The following DST variants were observed in gnomAD, a reference collection of about 807,000 sequenced individuals.
DST encodes dystonin, also known as bullous pemphigoid antigen.
A neutral mutation model predicts 875.2 loss-of-function variants in DST; 253 were observed. The ratio of observed to expected loss-of-function variants is 0.29; its 90% CI spans 0.26 to 0.32. The LOEUF (loss-of-function observed/expected upper bound fraction) is 0.32, where lower values mean the gene tolerates loss of function less well. Ranked by LOEUF, DST falls within the 10% of genes least tolerant of loss-of-function variation. The pLI is 1.00. For synonymous variants in DST, 3,124 were observed against 3,197.1 expected (o/e 0.98, Z 0.77); for missense variants, 8,287 against 9,111.6 (o/e 0.91, Z 3.68).
At chr6:56,546,389 T>TATATAA (rs1491334750) in intron 61 of DST, among the ~76,000 whole-genome samples, 19 of 104,252 alleles carry the variant, frequency 1.8e-4, no homozygotes, top group South Asian at 9.3e-4. Context: ...TATATATATA[T>TATATAA]AAATGTCAAA....
At chr6:56,721,812 C>T (rs2152912780) in intron 5 of DST, among the ~76,000 whole-genome samples, 1 of 152,202 alleles carries the variant, frequency 6.6e-6, no homozygotes, top group South Asian at 2.1e-4. Context: ...TACAGAAGAC[C>T]ATCCTGTCTT....
chr6:56,642,396 TA>T lies in DST; in HGVS notation c.1872+13del. The T allele has an allele frequency of 6.3e-7, 1 of 1,594,606 alleles. No homozygotes were observed. Among genetic ancestry groups the T allele is most frequent in the Non-Finnish European group, 8.6e-7 (1 of 1,162,278 alleles). On this transcript the variant is annotated intron_variant, in intron 16 of 103. Coordinates refer to ENST00000680361, the MANE Select transcript of DST (RefSeq NM_001374736.1). ...CCTCTACCACAACCCCAATGGCTCC[TA>T]AAATTAACTTACAGACTGAAGAGCA... is the stretch of plus-strand genomic sequence containing the variant.
intron 4 of DST, among the ~76,000 whole-genome samples, chr6:56,846,766 G>A (rs1461568743): frequency 6.6e-6 from 1 of 152,112 alleles, no homozygotes; most frequent in Non-Finnish European, 1.5e-5. Context: ...TACTTTGGGA[G>A]GCCAAGGTGG....
intron 4 of DST, among the ~76,000 whole-genome samples, chr6:56,781,808 A>T (rs892104562): frequency 1.3e-5 from 2 of 152,220 alleles, no homozygotes; most frequent in East Asian, 3.9e-4. Context: ...GCCAGTTTTC[A>T]AAGGGAATGC....
intron 7 of DST, 91 bp from the exon 8 acceptor site, chr6:56,702,056 C>A: frequency 1.3e-6 from 1 of 769,248 alleles, no homozygotes; most frequent in South Asian, 1.7e-5. Flanking sequence ...CTTAATATAT[C>A]AAAACAGTAT....
intron 36 of DST, chr6:56,619,207 T>C (rs1026862658): frequency 6.2e-7 from 1 of 1,613,926 alleles, no homozygotes; most frequent in African/African-American, 1.3e-5. Context: ...CTTCACATCT[T>C]TGCTGGATAG....
rs762689413 is a variant in DST, at chr6:56,476,155, T to C, written c.21858A>G (p.Glu7286=). The change falls in exon 92 of 104, where the codon GAA becomes GAG. Residue 7286 remains glutamate (E), a synonymous_variant. Transcript: ENST00000680361. The stretch of plus-strand genomic sequence containing the variant: ...AGGATTATATTTATTTTACCTGGTG[T>C]TCTGCAATGAGTGCTTTCACCTCTT... The part of the protein sequence containing the change: ...EIEEVKALIA[E]HQTFMEEMTR... 3 of 1,604,508 alleles carry C rather than the reference T, an allele frequency of 1.9e-6. No homozygotes were observed. Among genetic ancestry groups the C allele is most frequent in the Non-Finnish European group, 2.6e-6 (3 of 1,175,706 alleles).
chr6:56,807,372 C>T (rs1182031719), intron 4 of DST, among the ~76,000 whole-genome samples: 1 of 152,112 alleles, frequency 6.6e-6, no homozygotes, highest in East Asian at 1.9e-4. Flanking sequence ...AAAATCATGG[C>T]AAACATTTTT....
intron 8 of DST, among the ~76,000 whole-genome samples, chr6:56,701,259 T>C (rs2099303894): frequency 6.6e-6 from 1 of 152,092 alleles, no homozygotes; most frequent in African/African-American, 2.4e-5. Context: ...AAATTACTAA[T>C]ATTTTGGCCT....
At chr6:56,600,882 C>T (rs2098439776) in intron 44 of DST, among the ~76,000 whole-genome samples, 2 of 152,078 alleles carry the variant, frequency 1.3e-5, no homozygotes, top group East Asian at 1.9e-4. Context: ...AAGAGCCTAA[C>T]ACATGCTAGG....
chr6:56,719,979 A>C (rs13192478), intron 5 of DST, among the ~76,000 whole-genome samples: 2 of 152,070 alleles, frequency 1.3e-5, no homozygotes, highest in African/African-American at 4.8e-5. Flanking sequence ...ATGAAGTTTC[A>C]GACACCACTG....
intron 49 of DST, among the ~76,000 whole-genome samples, chr6:56,585,151 C>A (rs1171331976): frequency 2.5e-4 from 38 of 150,366 alleles, no homozygotes; most frequent in African/African-American, 6.1e-4. Context: ...ATTGATTGGA[C>A]TAGTTTCAGA....
chr6:56,761,578 G>C (rs1429465200), intron 4 of DST, among the ~76,000 whole-genome samples: 1 of 152,032 alleles, frequency 6.6e-6, no homozygotes. Flanking sequence ...TAGTAGAGTG[G>C]TTCTCAGCCC....
chr6:56,681,646 G>A (rs1474456792), intron 9 of DST, among the ~76,000 whole-genome samples: 4 of 152,198 alleles, frequency 2.6e-5, no homozygotes, highest in South Asian at 2.1e-4. Context: ...CCTCTAATAT[G>A]TGAGCAGTAT....
intron 4 of DST, chr6:56,843,686 G>T: frequency 1.0e-6 from 1 of 980,394 alleles, no homozygotes; most frequent in Non-Finnish European, 1.2e-6. Flanking sequence ...ACTCGCCCGC[G>T]CCGGGGAGAG....
At chr6:56,536,018 T>C (rs2096990212) in intron 62 of DST, among the ~76,000 whole-genome samples, 1 of 152,196 alleles carries the variant, frequency 6.6e-6, no homozygotes, top group Non-Finnish European at 1.5e-5. Context: ...ATGAATAATA[T>C]AGTTTCAAGA....
At chr6:56,619,563 T>C (rs994885971) in intron 36 of DST, 1 of 1,613,888 alleles carries the variant, frequency 6.2e-7, no homozygotes, top group Non-Finnish European at 8.5e-7. Context: ...TGTGCCCTTG[T>C]GATTCTGTCT....
chr6:56,647,457 G>C (rs1279342970), intron 13 of DST, among the ~76,000 whole-genome samples: 4 of 152,136 alleles, frequency 2.6e-5, no homozygotes, highest in Admixed American at 6.5e-5. Flanking sequence ...GGATGCAGGA[G>C]CACAATGAAT....
intron 49 of DST, among the ~76,000 whole-genome samples, chr6:56,586,581 A>AT (rs888727219): frequency 6.6e-6 from 1 of 152,102 alleles, no homozygotes; most frequent in African/African-American, 2.4e-5. Flanking sequence ...TAATTGGAGC[A>AT]TTTAGAGAAC....
Sources: gnomAD v4.1 joint callset for allele counts (sites outside exome capture counted in the v4.1 genomes callset) on GRCh38, gnomAD v4.1.1 for gene constraint, MANE v1.5 for transcripts, NCBI Gene and HGNC (gene_info 2026-07-23, HGNC 2026-07-21) for gene names.